Variants in ANKRD11 observed in about 807,000 individuals in gnomAD.
ANKRD11 encodes the protein ankyrin repeat domain-containing protein 11.
Under a neutral mutation model 195.7 loss-of-function variants are expected in ANKRD11, and 17 were observed. That is an observed-to-expected ratio of 0.09 (90% CI 0.06 to 0.13). The LOEUF (loss-of-function observed/expected upper bound fraction) is 0.13, where lower values mean the gene tolerates loss of function less well. Ranked by LOEUF, ANKRD11 falls within the 10% of genes least tolerant of loss-of-function variation. The pLI, the probability that ANKRD11 is intolerant of heterozygous loss-of-function variation, is 1.00. For synonymous variants in ANKRD11, 1,953 were observed against 1,528.1 expected (o/e 1.28, Z -6.49); for missense variants, 3,735 against 3,566.1 (o/e 1.05, Z -1.21).
intron 1 of ANKRD11, among the ~76,000 whole-genome samples, chr16:89,472,130 C>G (rs1048718833): frequency 2.6e-5 from 4 of 152,108 alleles, no homozygotes; most frequent in African/African-American, 4.8e-5. Context: ...TTTAGGGTTC[C>G]GAGTCTGAGA....
At position 89,432,998 on chromosome 16, in the gene ANKRD11, T is replaced by TCA. The variant is rs142049824; in HGVS notation, c.-144-14632_-144-14631dup. Among the ~76,000 whole-genome samples, 774 of 140,008 alleles carry TCA rather than the reference T, an allele frequency of 5.5e-3. 13 individuals are homozygous for TCA. The highest frequency in any genetic ancestry group is 0.016 in the African/African-American group (587 of 36,796). 91.9% of individuals were successfully genotyped at this position (140,008 alleles called of 152,430 possible). A position where few individuals can be genotyped will look rare whatever the true frequency, so the allele number is the denominator to read the frequency against. On this transcript the variant is annotated intron_variant, in intron 1 of 12. Coordinates refer to ENST00000301030, the MANE Select transcript of ANKRD11 (RefSeq NM_013275.6). ...TCTCTCTCTCTCTCTCTCCTCTCTC[T>TCA]CACACACACACACACACACACGAAA...
Position 89,426,810 on chromosome 16 carries a change from G to A in ANKRD11, c.-144-8442C>T, listed in dbSNP as rs2042736090. Among the ~76,000 whole-genome samples the A allele has an allele frequency of 2.6e-5, 4 of 152,188 alleles. No homozygotes were observed. In the South Asian group the frequency reaches 8.3e-4, roughly 31 times the overall value. On this transcript the variant is annotated intron_variant, in intron 1 of 12. Coordinates refer to ENST00000301030, the MANE Select transcript of ANKRD11 (RefSeq NM_013275.6). The stretch of plus-strand genomic sequence containing the variant: ...ATGGACACTGGGAAACAGAAAAGAC[G>A]GAGAAATCCGGGAAGCGGCTGTTTC...
intron 4 of ANKRD11, chr16:89,301,087 T>C (rs543964015): frequency 1.5e-5 from 8 of 536,454 alleles, no homozygotes; most frequent in African/African-American, 1.2e-4. Flanking sequence ...AAACATTCGC[T>C]GGTTGACTGA....
chr16:89,464,110 G>C (rs923961646), intron 1 of ANKRD11, among the ~76,000 whole-genome samples: 1 of 151,848 alleles, frequency 6.6e-6, no homozygotes, highest in African/African-American at 2.4e-5. Context: ...ATGGTGGCGG[G>C]CGCCTGTAGT....
chr16:89,392,207 C>T (rs1210645144), intron 2 of ANKRD11, among the ~76,000 whole-genome samples: 3 of 152,192 alleles, frequency 2.0e-5, no homozygotes, highest in East Asian at 1.9e-4. Flanking sequence ...GGTGTACTCT[C>T]GTGGCAAAAC....
Position 89,282,791 on chromosome 16 carries a change from T to C in ANKRD11, c.3751A>G (p.Lys1251Glu). The C allele has an allele frequency of 5.6e-6, 9 of 1,612,024 alleles. No individual in the cohort carries two copies. The highest frequency in any genetic ancestry group is 7.6e-6 in the Non-Finnish European group (9 of 1,180,012). ...KAEKKHAAED[K>E]AKSKHKEKSD... ...TTCTCTTTGTGTTTGCTTTTAGCCT[T>C]GTCTTCGGCAGCGTGCTTCTTTTCA... The change falls in exon 9 of 13, where the codon AAG (lysine) becomes GAG (glutamate). Residue 1251 changes from lysine to glutamate, a missense_variant. Lys to Glu is a moderately conservative substitution (Grantham distance 56). Coordinates refer to ENST00000301030, the MANE Select transcript of ANKRD11 (RefSeq NM_013275.6).
In ANKRD11 at chr16:89,279,380, G is replaced by A. The variant is rs2033958090; in HGVS notation, c.7162C>T (p.Arg2388Cys). The A allele has an allele frequency of 3.2e-6, 5 of 1,583,258 alleles. No homozygotes were observed. Among genetic ancestry groups the A allele is most frequent in the South Asian group, 1.1e-5 (1 of 87,852 alleles). ...DAQAQHPRKR[R>C]FQRSTQQLQQ... ...AGCTGCTGGGTGGAGCGCTGAAAGC[G>A]GCGTTTGCGCGGATGCTGGGCCTGG... Residue 2388 changes from arginine to cysteine, a missense_variant, in exon 9 of 13, where the codon CGC (arginine) becomes TGC (cysteine). Arg to Cys is a radical substitution (Grantham distance 180). Transcript: ENST00000301030. This position sits in a 1 kb window ranked among gnomAD's most constrained non-coding sequence, Gnocchi z 5.6.
Position 89,478,437 on chromosome 16 carries a change from C to A in ANKRD11, c.-145+11808G>T, listed in dbSNP as rs949829973. ...GGTTAAGCAACCCGACGCCTCCACA[C>A]CACAACTGAACATCCTCCTACAGCC... On this transcript the variant is annotated intron_variant, in intron 1 of 12. Coordinates refer to ENST00000301030, the MANE Select transcript of ANKRD11 (RefSeq NM_013275.6). Among the ~76,000 whole-genome samples, 8 of 152,056 alleles carry A rather than the reference C, an allele frequency of 5.3e-5. No individual in the cohort carries two copies. In the South Asian group the frequency reaches 1.0e-3, roughly 20 times the overall value.
intron 3 of ANKRD11, among the ~76,000 whole-genome samples, chr16:89,313,893 A>G (rs937024264): frequency 1.7e-4 from 26 of 152,204 alleles, no homozygotes; most frequent in Non-Finnish European, 3.4e-4. Context: ...GTCTGCCTCC[A>G]TGAGGAAAAT....
At chr16:89,375,225 G>A (rs117156089) in intron 2 of ANKRD11, among the ~76,000 whole-genome samples, 181 of 152,216 alleles carry the variant, frequency 1.2e-3, no homozygotes, top group South Asian at 2.5e-3. Flanking sequence ...TTAAAACACC[G>A]TGTGACACTA....
intron 1 of ANKRD11, among the ~76,000 whole-genome samples, chr16:89,473,369 G>A (rs977903443): frequency 6.6e-6 from 1 of 152,186 alleles, no homozygotes; most frequent in Non-Finnish European, 1.5e-5. Flanking sequence ...GACTGGACTA[G>A]AGTAGAATTC....
intron 2 of ANKRD11, among the ~76,000 whole-genome samples, chr16:89,398,505 C>G (rs550684783): frequency 2.0e-5 from 3 of 152,234 alleles, no homozygotes; most frequent in African/African-American, 7.2e-5. Context: ...CTGCTTGAGC[C>G]CAGGAGTGTG....
intron 3 of ANKRD11, among the ~76,000 whole-genome samples, chr16:89,315,331 C>T (rs542775468): frequency 2.6e-5 from 4 of 152,334 alleles, no homozygotes; most frequent in East Asian, 3.9e-4. Flanking sequence ...GAGGCCAGGG[C>T]GGCGACGTGA....
intron 2 of ANKRD11, among the ~76,000 whole-genome samples, chr16:89,325,377 G>A (rs917371585): frequency 1.3e-5 from 2 of 152,036 alleles, no homozygotes; most frequent in African/African-American, 4.8e-5. Context: ...GGTCGAGGCT[G>A]CGGTAAGCCA....
chr16:89,382,134 C>T (rs757784853), intron 2 of ANKRD11, among the ~76,000 whole-genome samples: 2 of 152,112 alleles, frequency 1.3e-5, no homozygotes, highest in Non-Finnish European at 2.9e-5. Context: ...CAGCTGGGCA[C>T]ACCCAGGGGA....
rs114581998 is a variant in ANKRD11 at position 89,354,942 on chromosome 16, G to C, written c.-59-37864C>G. Among the ~76,000 whole-genome samples, 664 of 152,236 alleles carry C rather than the reference G, an allele frequency of 4.4e-3. 7 individuals carry two copies. The highest frequency in any genetic ancestry group is 0.015 in the African/African-American group (637 of 41,534). ...TCGTTCTTCTAGCTCCTTTGGCAAAGAAAATGCCCCCAAAGGAGTGAGGGC... is the reference window on the plus strand; with the variant it reads ...TCGTTCTTCTAGCTCCTTTGGCAAACAAAATGCCCCCAAAGGAGTGAGGGC... On this transcript the variant is annotated intron_variant, in intron 2 of 12. Transcript: ENST00000301030.
chr16:89,365,216 GA>G (rs1449424657), intron 2 of ANKRD11, among the ~76,000 whole-genome samples: 1 of 152,162 alleles, frequency 6.6e-6, no homozygotes, highest in Non-Finnish European at 1.5e-5. Context: ...GTCAGAAGGG[GA>G]AGTTCCAGAG....
chr16:89,323,361 TCA>T, intron 2 of ANKRD11: 1 of 1,285,504 alleles, frequency 7.8e-7, no homozygotes, highest in Non-Finnish European at 1.0e-6. Context: ...CACTGGCCTC[TCA>T]CCTCTCACCA....
intron 2 of ANKRD11, among the ~76,000 whole-genome samples, chr16:89,385,322 T>G (rs1021702362): frequency 2.6e-5 from 4 of 151,592 alleles, no homozygotes; most frequent in Admixed American, 6.6e-5. Context: ...AGAGACGCTG[T>G]TTTGCCATGT....
Sources: allele counts gnomAD v4.1 joint callset (sites outside exome capture counted in the v4.1 genomes callset), GRCh38; gene constraint gnomAD v4.1.1; non-coding constraint Gnocchi (gnomAD v3.1); transcripts MANE v1.5; gene names NCBI Gene and HGNC (gene_info 2026-07-23, HGNC 2026-07-21).